The following PCMTD1 variants were observed in gnomAD, a reference collection of about 807,000 sequenced individuals.
PCMTD1 encodes protein-L-isoaspartate (D-aspartate) O-methyltransferase domain containing 1, also known as protein-L-isoaspartate O-methyltransferase domain-containing protein 1.
In PCMTD1, 12 loss-of-function variants were observed where a neutral mutation model predicts 37.6. The ratio of observed to expected loss-of-function variants is 0.32; its 90% CI spans 0.20 to 0.52. The LOEUF is 0.52. PCMTD1 is among the 20% of genes least tolerant of loss of function. The pLI is 0.97. For synonymous variants in PCMTD1, 117 were observed against 135.8 expected, an observed-to-expected ratio of 0.86 and a Z score of 0.96; for missense variants, 235 against 421.3, an observed-to-expected ratio of 0.56 and a Z score of 3.87.
chr8:51,826,862 C>T (rs10110304), intron 5 of PCMTD1: 1 of 836,694 alleles, frequency 1.2e-6, no homozygotes, highest in African/African-American at 1.8e-5. Flanking sequence ...AACAAAAAAA[C>T]CACAGAAAGA....
At chr8:51,843,186 A>C (rs1249809340) in intron 3 of PCMTD1, among the ~76,000 whole-genome samples, 2 of 147,848 alleles carry the variant, frequency 1.4e-5, no homozygotes, top group East Asian at 4.0e-4. Context: ...CAAAAAAAAA[A>C]ACCATTGAAT....
chr8:51,866,572 C>T (rs1042106293), intron 1 of PCMTD1, among the ~76,000 whole-genome samples: 1 of 151,920 alleles, frequency 6.6e-6, no homozygotes, highest in Non-Finnish European at 1.5e-5. Flanking sequence ...AACTGGATAT[C>T]CACAAGCAGA....
intron 3 of PCMTD1, chr8:51,844,806 T>C (rs1450754468): frequency 6.6e-6 from 1 of 152,224 alleles, no homozygotes; most frequent in Non-Finnish European, 1.5e-5. Context: ...TTGATGGTCA[T>C]AGCCAAGGGC....
At chr8:51,886,411 T>C (rs1354624704) in intron 1 of PCMTD1, among the ~76,000 whole-genome samples, 2 of 152,218 alleles carry the variant, frequency 1.3e-5, no homozygotes, top group East Asian at 1.9e-4. Context: ...AATACCCCTA[T>C]CAATTTTTGC....
intron 1 of PCMTD1, among the ~76,000 whole-genome samples, chr8:51,861,965 G>A (rs1339812211): frequency 3.3e-5 from 5 of 151,990 alleles, no homozygotes; most frequent in Non-Finnish European, 4.4e-5. Context: ...CCATCCGCCC[G>A]GGCCGCACAA....
chr8:51,872,226 CACAAG>C (rs1259318867), intron 1 of PCMTD1, among the ~76,000 whole-genome samples: 3 of 101,182 alleles, frequency 3.0e-5, no homozygotes, highest in African/African-American at 2.2e-4. Flanking sequence ...TTTTACTCAA[CACAAG>C]ACTTTTTCAA....
At chr8:51,878,010 G>A (rs2038737052) in intron 1 of PCMTD1, among the ~76,000 whole-genome samples, 1 of 152,144 alleles carries the variant, frequency 6.6e-6, no homozygotes. Context: ...AGCAACTAAT[G>A]AATCTAAGCA....
chr8:51,855,174 C>CA (rs1306890644), intron 2 of PCMTD1, among the ~76,000 whole-genome samples: 502 of 41,514 alleles, frequency 0.012, 2 homozygotes, highest in African/African-American at 0.03. Context: ...AACTCCATCT[C>CA]AAAAAAAAAA....
intron 1 of PCMTD1, among the ~76,000 whole-genome samples, chr8:51,875,813 T>G (rs12682564): frequency 0.69 from 104,485 of 152,064 alleles, 42,376 homozygotes; most frequent in Non-Finnish European, 0.9. Context: ...ATACCTGCAG[T>G]CCCAGCTACT....
intron 1 of PCMTD1, among the ~76,000 whole-genome samples, chr8:51,892,086 C>T (rs1426874602): frequency 6.6e-6 from 1 of 152,134 alleles, no homozygotes; most frequent in Non-Finnish European, 1.5e-5. Context: ...GCTTGTTTAA[C>T]TCCATTTAAT....
intron 5 of PCMTD1, among the ~76,000 whole-genome samples, chr8:51,823,725 T>A (rs1250808551): frequency 6.6e-6 from 1 of 152,130 alleles, no homozygotes; most frequent in African/African-American, 2.4e-5. Flanking sequence ...TACCAAAACC[T>A]GGCAGAGACA....
At chr8:51,870,679 C>T (rs984064656) in intron 1 of PCMTD1, among the ~76,000 whole-genome samples, 1 of 152,150 alleles carries the variant, frequency 6.6e-6, no homozygotes, top group African/African-American at 2.4e-5. Context: ...TGAAACACAA[C>T]TCAAATCCTG....
chr8:51,845,707 T>C lies in PCMTD1; in HGVS notation c.364A>G (p.Lys122Glu). Residue 122 changes from lysine to glutamate, a missense_variant, in exon 3 of 6, where the codon AAG becomes GAG. Lys to Glu is a moderately conservative substitution (Grantham distance 56, BLOSUM62 1). This residue lies in a region of PCMTD1 where 183 missense variants were observed against 349.3 expected (regional missense o/e 0.52). Transcript: ENST00000522514. ...ELHSDVVEYA[K>E]EKLESFIKNS... ...TTGATGAAGCTCTCCAGTTTTTCCT[T>C]GGCATATTCCACCACATCTGAATGA... The C allele has an allele frequency of 6.2e-7, 1 of 1,613,226 alleles. No homozygotes were observed. Among genetic ancestry groups the C allele is most frequent in the South Asian group, 1.1e-5 (1 of 91,068 alleles).
chr8:51,847,406 G>A (rs1253839478), intron 2 of PCMTD1, among the ~76,000 whole-genome samples: 1 of 150,724 alleles, frequency 6.6e-6, no homozygotes, highest in Non-Finnish European at 1.5e-5. Context: ...GCGGGCAGAT[G>A]GCTTGAGCCC....
intron 1 of PCMTD1, among the ~76,000 whole-genome samples, chr8:51,872,705 T>C (rs770062528): frequency 1.3e-5 from 2 of 152,306 alleles, no homozygotes. Flanking sequence ...TATAAGAATA[T>C]TCCAAAGCAA....
In PCMTD1 at chr8:51,818,321, A is replaced by T. The variant is rs2037789486; in HGVS notation, c.*2030T>A. 1 of 202,956 alleles carries T rather than the reference A, an allele frequency of 4.9e-6. No homozygotes were observed. Among genetic ancestry groups the T allele is most frequent in the South Asian group, 7.9e-5 (1 of 12,616 alleles). 12.6% of individuals were successfully genotyped at this position (202,956 alleles called of 1,614,324 possible). On this transcript the variant is annotated 3_prime_UTR_variant, in exon 6 of 6. Coordinates refer to ENST00000522514, the MANE Select transcript of PCMTD1 (RefSeq NM_052937.4). ...CTTTGCCATGGTCAAAGAATGAAGG[A>T]CAATATGGAAAAGCCAATCTTCAAA...
At chr8:51,852,353 G>C (rs1165609530) in intron 2 of PCMTD1, among the ~76,000 whole-genome samples, 1 of 152,138 alleles carries the variant, frequency 6.6e-6, no homozygotes, top group Non-Finnish European at 1.5e-5. Flanking sequence ...TTCATGTCTT[G>C]ATTTTTAAAA....
At chr8:51,899,050 C>G (rs1217574998), upstream of PCMTD1, 2 of 1,506,220 alleles carry the variant, frequency 1.3e-6, no homozygotes, top group Admixed American at 2.1e-5. Context: ...GAGGCGGGGC[C>G]CGGACCCGCG....
chr8:51,866,361 T>C (rs2129288493), intron 1 of PCMTD1, among the ~76,000 whole-genome samples: 1 of 152,072 alleles, frequency 6.6e-6, no homozygotes, highest in African/African-American at 2.4e-5. Context: ...GGCCTCACAT[T>C]ATCTGACTTC....
Sources: gnomAD v4.1 joint callset for allele counts (sites outside exome capture counted in the v4.1 genomes callset) on GRCh38, gnomAD v4.1.1 for gene constraint, gnomAD v4.1.1 regional missense constraint, MANE v1.5 for transcripts, NCBI Gene and HGNC (gene_info 2026-07-23, HGNC 2026-07-21) for gene names.